Variants in USH2A observed in about 807,000 individuals in gnomAD.
USH2A encodes the protein usherin.
A neutral mutation model predicts 538.9 loss-of-function variants in USH2A; 443 were observed. That is an observed-to-expected ratio of 0.82 (90% confidence interval 0.76 to 0.89). USH2A has a LOEUF of 0.89. Ranked by LOEUF, USH2A falls within the 40% of genes least tolerant of loss-of-function variation. The probability of loss-of-function intolerance (pLI) is 0.00; values close to 1 mark genes in which losing one functional copy is unlikely to be tolerated. For missense variants in USH2A, 6,633 were observed against 6,324.8 expected, an observed-to-expected ratio of 1.05 and a Z score of -1.65; for synonymous variants, 2,413 against 2,273.5, an observed-to-expected ratio of 1.06 and a Z score of -1.75.
intron 30 of USH2A, among the ~76,000 whole-genome samples, chr1:216,066,603 G>T (rs2031380277): frequency 6.6e-6 from 1 of 152,140 alleles, no homozygotes. Context: ...CAAGCACTGT[G>T]CTATGTGCTT....
chr1:216,247,592 T>C (rs1388585763), intron 12 of USH2A, among the ~76,000 whole-genome samples: 1 of 152,168 alleles, frequency 6.6e-6, no homozygotes, highest in Admixed American at 6.5e-5. Flanking sequence ...TATAACAAAT[T>C]AGTTGTTTTT....
intron 13 of USH2A, among the ~76,000 whole-genome samples, chr1:216,244,725 A>G (rs748439022): frequency 3.9e-5 from 6 of 152,202 alleles, no homozygotes; most frequent in Non-Finnish European, 7.3e-5. Context: ...CATCATTTAG[A>G]TATCTGGTAG....
At chr1:216,109,459 A>G (rs188758548) in intron 21 of USH2A, among the ~76,000 whole-genome samples, 2 of 152,274 alleles carry the variant, frequency 1.3e-5, no homozygotes, top group East Asian at 1.9e-4. Context: ...CTAAAATTCA[A>G]TTCAGCCAGG....
chr1:215,903,399 C>T (rs1665553096), intron 38 of USH2A, among the ~76,000 whole-genome samples: 1 of 151,980 alleles, frequency 6.6e-6, no homozygotes, highest in Admixed American at 6.6e-5. Context: ...GGGGCAGCAG[C>T]TAGAAAAGCT....
At chr1:215,972,216 G>A (rs1401335217) in intron 35 of USH2A, among the ~76,000 whole-genome samples, 1 of 152,088 alleles carries the variant, frequency 6.6e-6, no homozygotes, top group African/African-American at 2.4e-5. Flanking sequence ...GAAAGAAAAC[G>A]TCCAGTTTCT....
chr1:216,315,618 G>A (rs114398612), intron 9 of USH2A, among the ~76,000 whole-genome samples: 2,108 of 152,098 alleles, frequency 0.014, 15 homozygotes, highest in South Asian at 0.026. Context: ...CACTTTTGAT[G>A]TAAAAAGAAA....
intron 41 of USH2A, among the ~76,000 whole-genome samples, chr1:215,880,017 C>T (rs1664867508): frequency 6.6e-6 from 1 of 152,152 alleles, no homozygotes; most frequent in Non-Finnish European, 1.5e-5. Context: ...CAGGGATAAA[C>T]TCTACATTCA....
chr1:216,231,781 C>T (rs756609131), intron 14 of USH2A, among the ~76,000 whole-genome samples, 172 bp downstream of exon 14: 5 of 151,954 alleles, frequency 3.3e-5, no homozygotes, highest in Admixed American at 1.3e-4. Context: ...CTCTTGACCT[C>T]GGACCTCGTG....
chr1:215,650,710 G>A lies in USH2A; in HGVS notation c.14225C>T (p.Thr4742Met), dbSNP rs370157230. Residue 4742 changes from threonine to methionine, a missense_variant, in exon 65 of 72, where the codon ACG becomes ATG. Physicochemically the swap from Thr to Met is moderately conservative, Grantham distance 81. Transcript: ENST00000307340. ...PAPPEGLRAP[T>M]FHVISSTQAV... is the part of the protein sequence containing the mutation. Reference sequence around the variant, plus strand: ...TTGGGTAGAAGAGATCACATGGAACGTGGGGGCTCTGAGACCTTCTGGTGG... The same window carrying A: ...TTGGGTAGAAGAGATCACATGGAACATGGGGGCTCTGAGACCTTCTGGTGG... 15 of 1,613,916 alleles carry A rather than the reference G, an allele frequency of 9.3e-6. No homozygotes were observed. The highest frequency in any genetic ancestry group is 2.7e-5 in the African/African-American group (2 of 74,886).
At chr1:216,193,354 C>T (rs1026970161) in intron 19 of USH2A, among the ~76,000 whole-genome samples, 7 of 151,970 alleles carry the variant, frequency 4.6e-5, no homozygotes, top group Non-Finnish European at 1.0e-4. Flanking sequence ...AATGAGTGAA[C>T]ACGTAGACAG....
At chr1:216,370,677 C>CAAAAAAAACA (rs2038694676) in intron 3 of USH2A, among the ~76,000 whole-genome samples, 1 of 29,990 alleles carries the variant, frequency 3.3e-5, no homozygotes, top group African/African-American at 1.1e-4. Context: ...GACTCTGTCT[C>CAAAAAAAACA]AAAAAAAAAA....
chr1:216,257,497 A>G (rs981908588), intron 11 of USH2A, among the ~76,000 whole-genome samples: 1 of 151,940 alleles, frequency 6.6e-6, no homozygotes, highest in Non-Finnish European at 1.5e-5. Flanking sequence ...GAGCAATTCA[A>G]TTATAATATG....
intron 61 of USH2A, among the ~76,000 whole-genome samples, chr1:215,727,552 A>C (rs2797212): frequency 0.22 from 33,003 of 151,764 alleles, 4,143 homozygotes; most frequent in African/African-American, 0.34. Context: ...CATGGTGAAA[A>C]CCCCTCTCTA....
intron 21 of USH2A, among the ~76,000 whole-genome samples, chr1:216,131,601 G>A (rs1323444016): frequency 6.6e-6 from 1 of 152,030 alleles, no homozygotes; most frequent in Non-Finnish European, 1.5e-5. Flanking sequence ...AACATGATCA[G>A]TAAAGGGCCA....
chr1:216,165,778 C>T (rs2034154527), intron 21 of USH2A, among the ~76,000 whole-genome samples: 1 of 148,420 alleles, frequency 6.7e-6, no homozygotes, highest in Non-Finnish European at 1.5e-5. Context: ...TAATTTCAGT[C>T]TACATGAAAC....
chr1:215,657,296 T>C (rs1657292297), intron 64 of USH2A, among the ~76,000 whole-genome samples: 1 of 152,240 alleles, frequency 6.6e-6, no homozygotes, highest in African/African-American at 2.4e-5. Flanking sequence ...GGGTAGCTTG[T>C]CATAGGTTTT....
chr1:215,715,985 C>T (rs896364595), intron 61 of USH2A, among the ~76,000 whole-genome samples: 13 of 152,252 alleles, frequency 8.5e-5, no homozygotes, highest in South Asian at 2.1e-4. Flanking sequence ...TGGTAAAATG[C>T]GGTTTAGCAG....
At chr1:215,893,765 A>C (rs1665261562) in intron 40 of USH2A, among the ~76,000 whole-genome samples, 1 of 152,190 alleles carries the variant, frequency 6.6e-6, no homozygotes, top group African/African-American at 2.4e-5. Context: ...GGGAGATTCG[A>C]GAGCTTAAGT....
chr1:215,960,772 C>A (rs1167763846), intron 37 of USH2A, among the ~76,000 whole-genome samples: 1 of 152,066 alleles, frequency 6.6e-6, no homozygotes, highest in African/African-American at 2.4e-5. Flanking sequence ...TGTGCTCTCT[C>A]CGTCATTCTC....
Sources: allele counts gnomAD v4.1 joint callset (sites outside exome capture counted in the v4.1 genomes callset), GRCh38; gene constraint gnomAD v4.1.1; transcripts MANE v1.5; gene names NCBI Gene and HGNC (gene_info 2026-07-23, HGNC 2026-07-21).